CSMD3: variants seen among roughly 807,000 people sequenced by gnomAD.
The protein encoded by CSMD3 is CUB and Sushi multiple domains 3, also known as CUB and sushi domain-containing protein 3.
A neutral mutation model predicts 435.2 loss-of-function variants in CSMD3; 177 were observed. The ratio of observed to expected loss-of-function variants is 0.41; its 90% CI spans 0.36 to 0.46. The LOEUF is 0.46. CSMD3 is among the 20% of genes least tolerant of loss of function. CSMD3 has a pLI of 0.34. For missense variants in CSMD3, 4,265 were observed against 4,504.6 expected (o/e 0.95, Z 1.52); for synonymous variants, 1,656 against 1,520.5 (o/e 1.09, Z -2.07).
intron 10 of CSMD3, among the ~76,000 whole-genome samples, chr8:112,898,803 A>C (rs2082023323): frequency 6.6e-6 from 1 of 151,290 alleles, no homozygotes; most frequent in Non-Finnish European, 1.5e-5. Flanking sequence ...TAAGATGATC[A>C]TTATAAGAAG....
intron 1 of CSMD3, among the ~76,000 whole-genome samples, chr8:113,408,767 C>T (rs1041668179): frequency 1.4e-4 from 21 of 151,386 alleles, no homozygotes; most frequent in Admixed American, 3.3e-4. Flanking sequence ...AAGGTTCAAG[C>T]GATTCTTCTG....
intron 10 of CSMD3, among the ~76,000 whole-genome samples, chr8:112,897,204 C>G (rs545804555): frequency 6.6e-6 from 1 of 151,274 alleles, no homozygotes; most frequent in Non-Finnish European, 1.5e-5. Context: ...ACTGCACTTA[C>G]GTATGCATGC....
At chr8:112,699,828 A>G (rs1445290749) in intron 13 of CSMD3, among the ~76,000 whole-genome samples, 2 of 152,192 alleles carry the variant, frequency 1.3e-5, no homozygotes, top group Non-Finnish European at 2.9e-5. Flanking sequence ...TATACTCTTT[A>G]GAGCTATCAA....
chr8:112,346,950 C>T (rs1492668), intron 40 of CSMD3, among the ~76,000 whole-genome samples: 1 of 151,928 alleles, frequency 6.6e-6, no homozygotes, highest in Non-Finnish European at 1.5e-5. Context: ...TCCTTTTCCT[C>T]TTTTTGTGAG....
intron 10 of CSMD3, among the ~76,000 whole-genome samples, chr8:112,919,032 C>T (rs1176793342): frequency 6.6e-6 from 1 of 151,866 alleles, no homozygotes; most frequent in African/African-American, 2.4e-5. Context: ...TTTCCACTAC[C>T]ACCGCCAGTA....
At chr8:112,707,684 C>T (rs1197516951) in intron 13 of CSMD3, among the ~76,000 whole-genome samples, 7 of 152,022 alleles carry the variant, frequency 4.6e-5, no homozygotes, top group East Asian at 3.9e-4. Flanking sequence ...CTATCTTTCA[C>T]GCTCCTGGGG....
At chr8:112,650,966 A>T (rs928089298) in intron 18 of CSMD3, among the ~76,000 whole-genome samples, 2 of 152,032 alleles carry the variant, frequency 1.3e-5, no homozygotes, top group Non-Finnish European at 2.9e-5. Context: ...GGCACTGTTG[A>T]CATTTTGGAC....
At chr8:112,970,567 A>G (rs918153646) in intron 7 of CSMD3, among the ~76,000 whole-genome samples, 1 of 151,984 alleles carries the variant, frequency 6.6e-6, no homozygotes, top group African/African-American at 2.4e-5. Flanking sequence ...ACTTACATTA[A>G]TGTATGTCTT....
rs1455785564 is a variant in CSMD3 at position 112,743,740 on chromosome 8, G to A, written c.1973-53690C>T. Among the ~76,000 whole-genome samples, 7 of 151,934 alleles carry A rather than the reference G, an allele frequency of 4.6e-5. No homozygotes were observed. In the East Asian group the frequency reaches 1.4e-3, roughly 29 times the overall value. ...TTTTAAAATGTGTTTCTTTAAAAGG[G>A]AAAATAGTTTTTACCATGTGCTTTT... On this transcript the variant is annotated intron_variant, in intron 13 of 70. Transcript: ENST00000297405.
Position 113,165,228 on chromosome 8 carries a change from T to C in CSMD3, c.709+8494A>G, listed in dbSNP as rs2092127003. On this transcript the variant is annotated intron_variant, in intron 4 of 70. Coordinates refer to ENST00000297405, the MANE Select transcript of CSMD3 (RefSeq NM_198123.2). ...TATGAATGCTTTGTGGACGCAAAGA[T>C]AATATAACTTGTCTTTCCTTCTACA... 5.9e-5 allele frequency among the ~76,000 whole-genome samples: 9 copies of C among 152,274 alleles called. No individual in the cohort carries two copies. In the South Asian group the frequency reaches 1.9e-3, roughly 32 times the overall value.
At chr8:113,110,244 A>G (rs775770561) in intron 4 of CSMD3, among the ~76,000 whole-genome samples, 28 of 152,052 alleles carry the variant, frequency 1.8e-4, no homozygotes, top group Non-Finnish European at 3.2e-4. Context: ...CAGTTATACA[A>G]TTTTCTAAAT....
At chr8:112,802,080 C>A (rs2078974033) in intron 12 of CSMD3, among the ~76,000 whole-genome samples, 1 of 151,864 alleles carries the variant, frequency 6.6e-6, no homozygotes, top group South Asian at 2.1e-4. Flanking sequence ...GTTCCCAACT[C>A]ATTGCTGGTG....
intron 24 of CSMD3, among the ~76,000 whole-genome samples, chr8:112,559,126 G>A (rs62516508): frequency 2.0e-5 from 3 of 151,808 alleles, no homozygotes; most frequent in Admixed American, 6.6e-5. Flanking sequence ...GGCTAAGAGC[G>A]ACACTTGAGA....
chr8:112,527,555 A>T (rs1006245681), intron 27 of CSMD3, among the ~76,000 whole-genome samples: 4 of 152,036 alleles, frequency 2.6e-5, no homozygotes. Context: ...AATAATTAAC[A>T]CTATCAACAA....
rs564706459 is a variant in CSMD3 at position 112,259,843 on chromosome 8, A to T, written c.9862+3796T>A. 2.6e-5 allele frequency among the ~76,000 whole-genome samples: 4 copies of T among 152,312 alleles called. No individual in the cohort carries two copies. The East Asian group carries it at 7.7e-4, about 29-fold the overall frequency. ...AATTAATACATGCTTCCCAGTGAACATCATCAATGGGCACTTCAGCTGAAG... is the reference window on the plus strand; with the variant it reads ...AATTAATACATGCTTCCCAGTGAACTTCATCAATGGGCACTTCAGCTGAAG... On this transcript the variant is annotated intron_variant, in intron 61 of 70. Coordinates refer to ENST00000297405, the MANE Select transcript of CSMD3 (RefSeq NM_198123.2).
At chr8:112,720,569 A>C (rs1276583461) in intron 13 of CSMD3, among the ~76,000 whole-genome samples, 1 of 152,180 alleles carries the variant, frequency 6.6e-6, no homozygotes, top group Non-Finnish European at 1.5e-5. Flanking sequence ...GCGAGGAATC[A>C]CATTCATTTG....
chr8:113,194,627 G>A (rs1214354864), intron 3 of CSMD3, among the ~76,000 whole-genome samples: 2 of 151,132 alleles, frequency 1.3e-5, no homozygotes, highest in African/African-American at 4.8e-5. Flanking sequence ...TAATCCTGGG[G>A]GAACACGTGA....
intron 3 of CSMD3, among the ~76,000 whole-genome samples, chr8:113,266,225 T>C (rs1421401071): frequency 4.0e-5 from 6 of 148,430 alleles, no homozygotes; most frequent in African/African-American, 1.5e-4. Flanking sequence ...CTCTCAAGGA[T>C]AAATTTCTAA....
intron 2 of CSMD3, among the ~76,000 whole-genome samples, chr8:113,284,942 T>C (rs1432587508): frequency 6.6e-6 from 1 of 152,174 alleles, no homozygotes; most frequent in Non-Finnish European, 1.5e-5. Context: ...TCAGGAATGA[T>C]AAGTAAATTG....
Sources: gnomAD v4.1 joint callset for allele counts (sites outside exome capture counted in the v4.1 genomes callset) on GRCh38, gnomAD v4.1.1 for gene constraint, MANE v1.5 for transcripts, NCBI Gene and HGNC (gene_info 2026-07-23, HGNC 2026-07-21) for gene names.